MDN1: variants seen among roughly 807,000 people sequenced by gnomAD.
The protein encoded by MDN1 is midasin AAA ATPase 1, also known as midasin.
In MDN1, 266 loss-of-function variants were observed where a neutral mutation model predicts 669.2. That is an observed-to-expected ratio of 0.40 (90% CI 0.36 to 0.44). The LOEUF (loss-of-function observed/expected upper bound fraction) is 0.44. Ranked by LOEUF, MDN1 falls within the 20% of genes least tolerant of loss-of-function variation. MDN1 has a pLI of 1.00. For synonymous variants in MDN1, 2,385 were observed against 2,457.1 expected, an observed-to-expected ratio of 0.97 and a Z score of 0.87; for missense variants, 5,940 against 6,754.0, an observed-to-expected ratio of 0.88 and a Z score of 4.22.
At chr6:89,697,541 A>G (rs2128309009) in intron 59 of MDN1, among the ~76,000 whole-genome samples, 1 of 152,230 alleles carries the variant, frequency 6.6e-6, no homozygotes. Context: ...TATCCATAAT[A>G]CATAAAAAGA....
At chr6:89,807,089 G>GC (rs1554201832) in intron 1 of MDN1, among the ~76,000 whole-genome samples, 1 of 151,522 alleles carries the variant, frequency 6.6e-6, no homozygotes, top group East Asian at 1.9e-4. Flanking sequence ...ACATTGTTTT[G>GC]TTTTTTATTT....
In MDN1 at chr6:89,738,308, C is replaced by A; in HGVS notation, c.4723+18G>T. The stretch of plus-strand genomic sequence containing the variant: ...CTTCTATGACCCAATACTACCATCA[C>A]CACCTGCAAACTCTCACCTTTAGGA... On this transcript the variant is annotated intron_variant, in intron 33 of 101. Transcript: ENST00000369393. The A allele has an allele frequency of 6.2e-7, 1 of 1,612,616 alleles. No homozygotes were observed. The highest frequency in any genetic ancestry group is 8.5e-7 in the Non-Finnish European group (1 of 1,179,032).
intron 16 of MDN1, 138 bp downstream of exon 16, chr6:89,762,181 A>G: frequency 2.9e-6 from 2 of 692,062 alleles, no homozygotes; most frequent in African/African-American, 1.8e-5. Flanking sequence ...AATGGGGCAC[A>G]ATACTTCACA....
At chr6:89,761,843 T>A in intron 16 of MDN1, 95 bp from the exon 17 acceptor site, 1 of 911,994 alleles carries the variant, frequency 1.1e-6, no homozygotes, top group Non-Finnish European at 1.7e-6. Flanking sequence ...ACACAAAAAT[T>A]AAGCATCTTA....
chr6:89,771,737 C>T (rs1010229430), intron 14 of MDN1, 116 bp from the exon 15 acceptor site: 2 of 857,856 alleles, frequency 2.3e-6, no homozygotes, highest in African/African-American at 1.7e-5. Context: ...GAGACAGAGT[C>T]TTGTTCTGTC....
intron 65 of MDN1, 51 bp downstream of exon 65, chr6:89,689,819 T>C: frequency 6.4e-7 from 1 of 1,569,430 alleles, no homozygotes; most frequent in Non-Finnish European, 8.7e-7. Context: ...ACAGCATCTA[T>C]TTGCATTTGC....
In MDN1 at chr6:89,701,545, C is replaced by T; in HGVS notation, c.8427+13G>A. On this transcript the variant is annotated intron_variant, in intron 55 of 101. Transcript: ENST00000369393. ...TCACATTTCTTTTATTTACTAAATG[C>T]TTCCAGGTGTACCTTAAAAGGAAAC... The T allele has an allele frequency of 6.2e-7, 1 of 1,611,988 alleles. No homozygotes were observed. The highest frequency in any genetic ancestry group is 8.5e-7 in the Non-Finnish European group (1 of 1,179,498).
chr6:89,680,495 T>C, intron 74 of MDN1, 94 bp downstream of exon 74: 1 of 1,435,582 alleles, frequency 7.0e-7, no homozygotes, highest in Non-Finnish European at 9.4e-7. Context: ...CTACACAAGG[T>C]ATCAAAAAAG....
rs767504306 is a variant in MDN1 at position 89,670,982 on chromosome 6, A to C, written c.13893T>G (p.Thr4631=). The part of the protein sequence containing the change: ...VLFFLTMSLA[T]HRSTAKLLSV... ...AGAGCAGCTTTGCAGTACTACGGTG[A>C]GTTGCTAAAGACATGGTCAGGAAGA... Residue 4631 remains threonine, a synonymous_variant, in exon 83 of 102, where the codon ACT becomes ACG. Transcript: ENST00000369393. 232 of 1,614,086 alleles carry C rather than the reference A, an allele frequency of 1.4e-4. No homozygotes were observed. Among genetic ancestry groups the C allele is most frequent in the Non-Finnish European group, 1.9e-4 (221 of 1,180,040 alleles).
At position 89,819,681 on chromosome 6, in the gene MDN1, C is replaced by T; in HGVS notation, c.-74G>A. 1 of 1,277,698 alleles carries T rather than the reference C, an allele frequency of 7.8e-7. No homozygotes were observed. The highest frequency in any genetic ancestry group is 1.2e-5 in the South Asian group (1 of 83,856). The allele number at this position is 1,277,698 out of a possible 1,614,324, so 79.1% of individuals were successfully genotyped here. ...GCCAGCGTCCCCAAGCCGCCGAGGT[C>T]CCAGTGCCCGAGCAGCCAGCAACTA... On this transcript the variant is annotated 5_prime_UTR_variant, in exon 1 of 102. Transcript: ENST00000369393.
intron 64 of MDN1, 83 bp from the exon 65 acceptor site, chr6:89,690,226 T>C (rs1229204793): frequency 2.8e-6 from 4 of 1,407,756 alleles, no homozygotes; most frequent in Non-Finnish European, 3.9e-6. Flanking sequence ...GAAAAAAGCA[T>C]AAGAATGACT....
intron 17 of MDN1, among the ~76,000 whole-genome samples, chr6:89,759,608 A>AT (rs1383957005): frequency 1.4e-4 from 22 of 152,110 alleles, no homozygotes; most frequent in African/African-American, 5.3e-4. Flanking sequence ...TACTAAAAAT[A>AT]CAAAAAATAG....
At chr6:89,676,524 G>A (rs1562073133) in intron 76 of MDN1, among the ~76,000 whole-genome samples, 1 of 152,176 alleles carries the variant, frequency 6.6e-6, no homozygotes, top group Non-Finnish European at 1.5e-5. Context: ...ACTAAGGACA[G>A]CCAAGCATAC....
At chr6:89,704,433 T>TGAAGAGATTTGTGATTTTTCA in intron 53 of MDN1, among the ~76,000 whole-genome samples, 1 of 152,230 alleles carries the variant, frequency 6.6e-6, no homozygotes, top group Non-Finnish European at 1.5e-5. Flanking sequence ...ACGATTTTTC[T>TGAAGAGATTTGTGATTTTTCA]GAAGAGATTT....
At position 89,645,106 on chromosome 6, in the gene MDN1, T is replaced by G; in HGVS notation, c.16511A>C (p.Glu5504Ala). The change falls in exon 101 of 102, where the codon GAG (glutamate) becomes GCG (alanine). Residue 5504 changes from glutamate to alanine, a missense_variant. Transcript: ENST00000369393. ...VVSDGRGLFL[E>A]GKERVLAAVQ... ...TGCTGCCAGGACTCTTTCTTTGCCC[T>G]CAAGGAAAAGGCCTCGCCCATCAGA... 2 of 1,612,130 alleles carry G rather than the reference T, an allele frequency of 1.2e-6. No individual in the cohort carries two copies. The highest frequency in any genetic ancestry group is 1.7e-6 in the Non-Finnish European group (2 of 1,178,292).
intron 18 of MDN1, 25 bp from the exon 19 acceptor site, chr6:89,758,376 T>C (rs555609280): frequency 1.3e-6 from 2 of 1,553,576 alleles, no homozygotes; most frequent in South Asian, 2.3e-5. Context: ...TTACAAATTC[T>C]CAACAAAGGT....
intron 70 of MDN1, 40 bp downstream of exon 70, chr6:89,685,787 A>G: frequency 6.2e-7 from 1 of 1,600,126 alleles, no homozygotes; most frequent in Non-Finnish European, 8.5e-7. Context: ...AACTCATTTT[A>G]GTCGTGCAAT....
intron 46 of MDN1, 142 bp downstream of exon 46, chr6:89,714,401 G>A (rs1236202572): frequency 6.2e-6 from 5 of 806,542 alleles, no homozygotes; most frequent in Non-Finnish European, 9.4e-6. Flanking sequence ...TGGGGTGTCT[G>A]GAAATCCACA....
chr6:89,778,803 G>A (rs1818479316), intron 11 of MDN1, among the ~76,000 whole-genome samples: 1 of 151,474 alleles, frequency 6.6e-6, no homozygotes, highest in African/African-American at 2.4e-5. Context: ...GGAGAATGGT[G>A]GGAACCTGGG....
Sources: allele counts gnomAD v4.1 joint callset (sites outside exome capture counted in the v4.1 genomes callset), GRCh38; gene constraint gnomAD v4.1.1; transcripts MANE v1.5; gene names NCBI Gene and HGNC (gene_info 2026-07-23, HGNC 2026-07-21).